The following IL19 variants were observed in gnomAD, a reference collection of about 807,000 sequenced individuals.
The protein encoded by IL19 is interleukin-19.
IL19 carries 15 observed loss-of-function variants against 19.5 expected under a neutral mutation model. The ratio of observed to expected loss-of-function variants is 0.77; its 90% CI spans 0.52 to 1.19. The LOEUF (loss-of-function observed/expected upper bound fraction) is 1.19. IL19 is among the 50% of genes most tolerant of loss of function. IL19 has a pLI of 0.00. For missense variants in IL19, 199 were observed against 213.1 expected, an observed-to-expected ratio of 0.93 and a Z score of 0.41; for synonymous variants, 78 against 78.3, an observed-to-expected ratio of 1.00 and a Z score of 0.02.
chr1:206,835,693 C>A (rs1272805485), intron 2 of IL19, among the ~76,000 whole-genome samples: 2 of 152,240 alleles, frequency 1.3e-5, no homozygotes, highest in Admixed American at 6.5e-5. Flanking sequence ...GGGCACCATG[C>A]AAAGTGCATA....
intron 2 of IL19, among the ~76,000 whole-genome samples, chr1:206,804,429 A>G (rs1343341977): frequency 1.3e-5 from 2 of 152,180 alleles, no homozygotes; most frequent in African/African-American, 4.8e-5. Context: ...GATTCCCTAT[A>G]TGACAATAAC....
intron 2 of IL19, among the ~76,000 whole-genome samples, chr1:206,807,504 C>T (rs754564195): frequency 2.0e-5 from 3 of 152,180 alleles, no homozygotes; most frequent in Non-Finnish European, 4.4e-5. Flanking sequence ...GAACTCTCTC[C>T]CCTCAACCCT....
intron 1 of IL19, chr1:206,772,571 AG>A (rs1475324099): frequency 1.2e-6 from 1 of 801,462 alleles, no homozygotes; most frequent in East Asian, 2.6e-5. Flanking sequence ...GCCACAATCA[AG>A]GTTTCCCGGC....
intron 2 of IL19, among the ~76,000 whole-genome samples, chr1:206,802,368 G>GTT (rs915872811): frequency 6.6e-6 from 1 of 151,090 alleles, no homozygotes; most frequent in East Asian, 1.9e-4. Context: ...TATCTGGGTG[G>GTT]TTTTTTTTTC....
intron 2 of IL19, among the ~76,000 whole-genome samples, chr1:206,807,918 A>G (rs986449021): frequency 3.6e-5 from 5 of 137,882 alleles, no homozygotes; most frequent in Non-Finnish European, 7.7e-5. Flanking sequence ...GTGATGGTAA[A>G]CTTTTTTTCT....
intron 2 of IL19, among the ~76,000 whole-genome samples, chr1:206,835,888 A>G (rs772494211): frequency 6.6e-6 from 1 of 152,276 alleles, no homozygotes; most frequent in Non-Finnish European, 1.5e-5. Context: ...AAGAGGCAGC[A>G]AGAAAGACAG....
chr1:206,772,558 A>G (rs556572893), intron 1 of IL19: 92 of 893,720 alleles, frequency 1.0e-4, no homozygotes, highest in South Asian at 7.0e-4. Flanking sequence ...CATTCATTAA[A>G]AAGCCACAAT....
intron 2 of IL19, among the ~76,000 whole-genome samples, chr1:206,816,191 G>A (rs1676151246): frequency 6.6e-6 from 1 of 152,120 alleles, no homozygotes; most frequent in African/African-American, 2.4e-5. Flanking sequence ...CTTTAGGCAG[G>A]AAGAAAATGA....
At chr1:206,811,382 T>G (rs1284785896) in intron 2 of IL19, among the ~76,000 whole-genome samples, 1 of 148,886 alleles carries the variant, frequency 6.7e-6, no homozygotes, top group African/African-American at 2.5e-5. Flanking sequence ...AGGTGGAGCT[T>G]GTAGTGAGCC....
rs1352114652 is a variant in IL19, at chr1:206,836,679, T to C, written c.17T>C (p.Val6Ala). MKLQC[V>A]SLWLLGTILI... ...TCTGCAGGCATGAAGTTACAGTGTG[T>C]TTCCCTTTGGCTCCTGGGTACAATA... is the stretch of plus-strand genomic sequence containing the variant. Residue 6 changes from valine to alanine, a missense_variant, in exon 3 of 7, where the codon GTT becomes GCT. Val to Ala is a moderately conservative substitution (Grantham distance 64, BLOSUM62 0). Coordinates refer to ENST00000659997, the MANE Select transcript of IL19 (RefSeq NM_153758.5). The C allele has an allele frequency of 1.2e-6, 2 of 1,611,206 alleles. No homozygotes were observed. Among genetic ancestry groups the C allele is most frequent in the Non-Finnish European group, 1.7e-6 (2 of 1,179,018 alleles).
intron 1 of IL19, among the ~76,000 whole-genome samples, chr1:206,785,626 C>CA (rs1476744835): frequency 2.6e-5 from 4 of 152,146 alleles, no homozygotes; most frequent in Admixed American, 2.6e-4. Flanking sequence ...GAGGGACCTC[C>CA]AGAGAGGGCA....
Position 206,771,259 on chromosome 1 carries a change from C to T in IL19, c.-149+181C>T, listed in dbSNP as rs534191384. Reference sequence around the variant, plus strand: ...ATCTTCCCACTTCTCCTTTTCAAAGCGAAGGAAACAAACCCAATTCCCTGC... The same window carrying T: ...ATCTTCCCACTTCTCCTTTTCAAAGTGAAGGAAACAAACCCAATTCCCTGC... On this transcript the variant is annotated intron_variant, in intron 1 of 6. Transcript: ENST00000659997. 2.4e-4 allele frequency: 298 copies of T among 1,263,962 alleles called. 3 individuals are homozygous for T. In the East Asian group the frequency reaches 5.9e-3, roughly 25 times the overall value. 78.3% of individuals were successfully genotyped at this position (1,263,962 alleles called of 1,614,324 possible).
intron 1 of IL19, among the ~76,000 whole-genome samples, chr1:206,790,955 T>A (rs1209822865): frequency 6.6e-6 from 1 of 152,222 alleles, no homozygotes; most frequent in Non-Finnish European, 1.5e-5. Context: ...CTTTGATATC[T>A]TTCTTCATTC....
At chr1:206,791,234 A>G (rs1426463157) in intron 1 of IL19, among the ~76,000 whole-genome samples, 3 of 151,864 alleles carry the variant, frequency 2.0e-5, no homozygotes, top group Non-Finnish European at 4.4e-5. Context: ...TCATTTGTTC[A>G]TTATCAGGAT....
chr1:206,780,911 C>A (rs927801121), intron 1 of IL19, among the ~76,000 whole-genome samples: 1 of 152,222 alleles, frequency 6.6e-6, no homozygotes, highest in African/African-American at 2.4e-5. Flanking sequence ...ATCCATTAAA[C>A]AGTTATGAAT....
rs143509886 is a variant in IL19, at chr1:206,817,261, A to C, written c.-3+18255A>C. 1.8e-4 allele frequency among the ~76,000 whole-genome samples: 28 copies of C among 152,092 alleles called. 1 individual carries two copies. The East Asian group carries it at 5.4e-3, about 29-fold the overall frequency. On this transcript the variant is annotated intron_variant, in intron 2 of 6. Coordinates refer to ENST00000659997, the MANE Select transcript of IL19 (RefSeq NM_153758.5). ...CTGCGCATGCCTAAGGACTTTCCAG[A>C]CCTCCCTTTCCTTCCACCAATCACC...
At chr1:206,824,191 G>A (rs762313329) in intron 2 of IL19, among the ~76,000 whole-genome samples, 6 of 152,278 alleles carry the variant, frequency 3.9e-5, no homozygotes, top group East Asian at 1.9e-4. Flanking sequence ...GAGGAGGCTC[G>A]GACGGAGTTA....
Position 206,839,274 on chromosome 1 carries a change from C to A in IL19, c.211-576C>A, listed in dbSNP as rs2243177. 3.2e-3 allele frequency among the ~76,000 whole-genome samples: 482 copies of A among 152,330 alleles called. 3 individuals carry two copies. Among genetic ancestry groups the A allele is most frequent in the African/African-American group, 0.011 (454 of 41,572 alleles). ...TCTCAGCCTCATTCCAATGACCTTT[C>A]TGGTTTTAAAAGGACAGACTACAGG... On this transcript the variant is annotated intron_variant, in intron 4 of 6. Coordinates refer to ENST00000659997, the MANE Select transcript of IL19 (RefSeq NM_153758.5).
At chr1:206,771,689 C>T (rs1204580856) in intron 1 of IL19, among the ~76,000 whole-genome samples, 2 of 152,200 alleles carry the variant, frequency 1.3e-5, no homozygotes, top group African/African-American at 4.8e-5. Flanking sequence ...CTTCTTTCTG[C>T]GGAGCTACAT....
Sources: allele counts gnomAD v4.1 joint callset (sites outside exome capture counted in the v4.1 genomes callset), GRCh38; gene constraint gnomAD v4.1.1; transcripts MANE v1.5; gene names NCBI Gene and HGNC (gene_info 2026-07-23, HGNC 2026-07-21).